The following TRPM1 variants were observed in gnomAD, a reference collection of about 807,000 sequenced individuals.
The protein encoded by TRPM1 is TRPM1-203 APA Isoform, Intron 10.
A neutral mutation model predicts 149.4 loss-of-function variants in TRPM1; 113 were observed. That is an observed-to-expected ratio of 0.76 (90% CI 0.65 to 0.88). TRPM1 has a LOEUF of 0.88. TRPM1 is among the 40% of genes least tolerant of loss of function. TRPM1 has a pLI of 0.00. For synonymous variants in TRPM1, 741 were observed against 759.5 expected (o/e 0.98, Z 0.40); for missense variants, 1,976 against 2,038.7 (o/e 0.97, Z 0.59).
chr15:31,157,874 T>C (rs11857503), intron 1 of TRPM1, among the ~76,000 whole-genome samples: 1,566 of 152,314 alleles, frequency 0.01, 32 homozygotes, highest in African/African-American at 0.036. Context: ...TAGTGCAGTT[T>C]GTGTTTGTTT....
chr15:31,119,107 G>T (rs980851426), intron 1 of TRPM1, among the ~76,000 whole-genome samples: 3 of 152,018 alleles, frequency 2.0e-5, no homozygotes, highest in African/African-American at 7.3e-5. Flanking sequence ...TGGGCATGGT[G>T]GTGCATGCCT....
At chr15:31,037,662 A>T in intron 20 of TRPM1, 49 bp downstream of exon 20, 1 of 1,613,622 alleles carries the variant, frequency 6.2e-7, no homozygotes, top group Non-Finnish European at 8.5e-7. Context: ...CCAACATATC[A>T]AAGCATTCAA....
At chr15:31,147,126 T>C (rs1461317724) in intron 1 of TRPM1, among the ~76,000 whole-genome samples, 1 of 152,246 alleles carries the variant, frequency 6.6e-6, no homozygotes, top group Non-Finnish European at 1.5e-5. Context: ...AAGTATTGCC[T>C]GATTCTAGAA....
chr15:31,081,482 C>T (rs2034857255), intron 1 of TRPM1, 44 bp from the exon 2 acceptor site: 2 of 1,299,260 alleles, frequency 1.5e-6, no homozygotes, highest in African/African-American at 2.9e-5. Context: ...TTGCCTGCAG[C>T]CTCTTTCTTG....
At position 31,029,372 on chromosome 15, in the gene TRPM1, A is replaced by T. The variant is rs2032950659; in HGVS notation, c.3147T>A (p.Asn1049Lys). ...ATAATCAATTCCATGTAAACTTACG[A>T]TTAATTTCCATGGCGTAGACTACAT... ...DQIDLYAMEI[N>K]PPCGENLYDE... Residue 1049 changes from asparagine to lysine, a missense_variant and splice_region_variant, in exon 24 of 28, where the codon AAT (asparagine) becomes AAA (lysine). This residue lies in a region of TRPM1 where 1,332 missense variants were observed against 1,347.1 expected (regional missense o/e 0.99). Transcript: ENST00000256552. 6.2e-7 allele frequency: 1 copy of T among 1,613,706 alleles called. No homozygotes were observed. Among genetic ancestry groups the T allele is most frequent in the African/African-American group, 1.3e-5 (1 of 74,934 alleles).
chr15:31,016,806 C>T (rs1033556668), intron 27 of TRPM1, among the ~76,000 whole-genome samples: 18 of 152,092 alleles, frequency 1.2e-4, no homozygotes, highest in Admixed American at 6.5e-5. Flanking sequence ...ACTAAAGTCA[C>T]GAGGAGCCCA....
intron 6 of TRPM1, 129 bp downstream of exon 6, chr15:31,066,934 A>G (rs1369448670): frequency 7.3e-6 from 9 of 1,234,498 alleles, no homozygotes; most frequent in Non-Finnish European, 1.1e-5. Flanking sequence ...AGATGTTACC[A>G]TTGGAGGAAT....
intron 1 of TRPM1, among the ~76,000 whole-genome samples, chr15:31,107,935 G>T (rs2035630975): frequency 6.6e-6 from 1 of 151,088 alleles, no homozygotes; most frequent in African/African-American, 2.4e-5. Flanking sequence ...TCAGCTCACT[G>T]CAACCTCTGC....
chr15:31,068,402 C>T (rs1016708533), intron 4 of TRPM1, among the ~76,000 whole-genome samples: 1 of 152,048 alleles, frequency 6.6e-6, no homozygotes, highest in Non-Finnish European at 1.5e-5. Context: ...AAGGTGATTA[C>T]GTCATGAGCA....
intron 1 of TRPM1, among the ~76,000 whole-genome samples, chr15:31,150,529 C>T (rs1350147882): frequency 1.3e-5 from 2 of 151,124 alleles, no homozygotes; most frequent in Non-Finnish European, 2.9e-5. Flanking sequence ...CTCTGCCTCC[C>T]GGATTCAAGT....
At chr15:31,090,249 C>G (rs964039019) in intron 1 of TRPM1, among the ~76,000 whole-genome samples, 1 of 152,096 alleles carries the variant, frequency 6.6e-6, no homozygotes, top group Non-Finnish European at 1.5e-5. Context: ...AGACAGCTTC[C>G]TCACCCTTCA....
upstream of TRPM1, among the ~76,000 whole-genome samples, chr15:31,105,481 G>A (rs542463657): frequency 2.0e-5 from 3 of 151,478 alleles, no homozygotes; most frequent in South Asian, 2.1e-4. Flanking sequence ...GTGCGCGCGC[G>A]CGCGCGTGCA....
At chr15:31,135,800 G>T (rs967611450) in intron 1 of TRPM1, among the ~76,000 whole-genome samples, 50 of 152,126 alleles carry the variant, frequency 3.3e-4, no homozygotes, top group Non-Finnish European at 1.3e-4. Flanking sequence ...TGCACACACC[G>T]GCTCCTCTTC....
rs1258533372 is a variant in TRPM1, at chr15:31,049,387, C to G, written c.1560G>C (p.Glu520Asp). 1.2e-6 allele frequency: 2 copies of G among 1,614,222 alleles called. No homozygotes were observed. The highest frequency in any genetic ancestry group is 1.7e-6 in the Non-Finnish European group (2 of 1,180,034). Residue 520 changes from glutamate to aspartate, a missense_variant, in exon 13 of 28, where the codon GAG (glutamate) becomes GAC (aspartate). Physicochemically the swap from Glu to Asp is conservative, Grantham distance 45. This residue lies in a region of TRPM1 where 1,332 missense variants were observed against 1,347.1 expected (regional missense o/e 0.99). Transcript: ENST00000256552. ...CTAGAGCACTCACTGTGTTATAAAG[C>G]TCCTCCAGCCTCGGAATGGTCAGAA... The part of the protein sequence containing the change: ...QHFLTIPRLE[E>D]LYNTRLGPPN...
At chr15:31,032,006 G>GTTT (rs57762904) in intron 22 of TRPM1, among the ~76,000 whole-genome samples, 5 of 122,754 alleles carry the variant, frequency 4.1e-5, no homozygotes, top group Admixed American at 8.2e-5. Context: ...ATCAGGCGGG[G>GTTT]TTTTTTTTTT....
chr15:31,145,504 T>C (rs2036214016), intron 1 of TRPM1, among the ~76,000 whole-genome samples: 1 of 152,258 alleles, frequency 6.6e-6, no homozygotes, highest in Non-Finnish European at 1.5e-5. Flanking sequence ...ACAAATCCTC[T>C]AGTCCACCTA....
intron 5 of TRPM1, among the ~76,000 whole-genome samples, chr15:31,067,402 G>C (rs1336700914): frequency 6.6e-6 from 1 of 152,124 alleles, no homozygotes; most frequent in Non-Finnish European, 1.5e-5. Context: ...AACAAAAACA[G>C]AAACCAAAGC....
At chr15:31,019,704 T>C (rs964226617) in intron 27 of TRPM1, among the ~76,000 whole-genome samples, 2 of 142,230 alleles carry the variant, frequency 1.4e-5, no homozygotes, top group African/African-American at 5.2e-5. Context: ...GCCTGGCTAA[T>C]TTTTGTATTT....
At chr15:31,080,341 C>T (rs1457504038) in intron 2 of TRPM1, among the ~76,000 whole-genome samples, 1 of 152,084 alleles carries the variant, frequency 6.6e-6, no homozygotes, top group African/African-American at 2.4e-5. Context: ...CTGGGGAGAA[C>T]CACCTAAAAC....
Sources: allele counts gnomAD v4.1 joint callset (sites outside exome capture counted in the v4.1 genomes callset), GRCh38; gene constraint gnomAD v4.1.1; regional missense constraint gnomAD v4.1.1; transcripts MANE v1.5; gene names NCBI Gene and HGNC (gene_info 2026-07-23, HGNC 2026-07-21).